Variants in HCN1 observed in about 807,000 individuals in gnomAD.
HCN1 encodes the protein potassium/sodium hyperpolarization-activated cyclic nucleotide-gated channel 1.
In HCN1, 13 loss-of-function variants were observed where a neutral mutation model predicts 78.9. That is an observed-to-expected ratio of 0.16 (90% CI 0.11 to 0.26). HCN1 has a LOEUF of 0.26. Among genes scored for constraint, HCN1 ranks in the 10% least tolerant of loss-of-function variants. The probability of loss-of-function intolerance (pLI) is 1.00; values close to 1 mark genes in which losing one functional copy is unlikely to be tolerated. For synonymous variants in HCN1, 552 were observed against 455.5 expected, an observed-to-expected ratio of 1.21 and a Z score of -2.70; for missense variants, 810 against 1,154.3, an observed-to-expected ratio of 0.70 and a Z score of 4.32.
intron 5 of HCN1, among the ~76,000 whole-genome samples, chr5:45,305,534 C>T (rs1018466547): frequency 3.3e-5 from 5 of 152,084 alleles, no homozygotes; most frequent in Non-Finnish European, 7.4e-5. Flanking sequence ...CACTTGAGTC[C>T]ACGATTGGCT....
intron 3 of HCN1, among the ~76,000 whole-genome samples, chr5:45,455,101 G>T (rs112343062): frequency 6.6e-6 from 1 of 151,866 alleles, no homozygotes; most frequent in African/African-American, 2.4e-5. Flanking sequence ...AATCCACACA[G>T]GGCTACTACT....
chr5:45,541,355 C>T (rs72762067), intron 2 of HCN1, among the ~76,000 whole-genome samples: 1,535 of 152,266 alleles, frequency 0.01, 14 homozygotes, highest in South Asian at 0.044. Flanking sequence ...CCATGCGCTG[C>T]ATAGTGTTAC....
chr5:45,420,484 T>C (rs1031131364), intron 3 of HCN1, among the ~76,000 whole-genome samples: 13 of 152,090 alleles, frequency 8.5e-5, no homozygotes, highest in Admixed American at 2.6e-4. Flanking sequence ...CCTCTGTCCT[T>C]CCTATTCTTT....
rs116623810 is a variant in HCN1 at position 45,413,703 on chromosome 5, G to A, written c.1012-16993C>T. Among the ~76,000 whole-genome samples the A allele has an allele frequency of 9.4e-3, 1,435 of 152,094 alleles. 18 individuals are homozygous for A. The highest frequency in any genetic ancestry group is 0.015 in the Admixed American group (224 of 15,244). ...TAATCATAAGGATATGAAGGGGCAG[G>A]AAAACTTGGTTAAAGTAGTGATCTT... On this transcript the variant is annotated intron_variant, in intron 3 of 7. Transcript: ENST00000303230.
intron 5 of HCN1, among the ~76,000 whole-genome samples, chr5:45,347,262 G>A (rs1472039302): frequency 6.6e-6 from 1 of 152,176 alleles, no homozygotes; most frequent in Non-Finnish European, 1.5e-5. Context: ...AACAAGGTCT[G>A]GAATGGACCT....
At position 45,390,730 on chromosome 5, in the gene HCN1, A is replaced by G. The variant is rs146857115; in HGVS notation, c.1230+5762T>C. 4.6e-4 allele frequency among the ~76,000 whole-genome samples: 70 copies of G among 152,246 alleles called. 1 individual carries two copies. The highest frequency in any genetic ancestry group is 1.7e-3 in the African/African-American group (69 of 41,558). On this transcript the variant is annotated intron_variant, in intron 4 of 7. Transcript: ENST00000303230. ...AAAATCATGGGATATGTGATTTACAATTGGTAAGTTTCTGTTTTTCTATTT... is the reference window on the plus strand; with the variant it reads ...AAAATCATGGGATATGTGATTTACAGTTGGTAAGTTTCTGTTTTTCTATTT...
intron 3 of HCN1, among the ~76,000 whole-genome samples, chr5:45,450,466 T>G (rs1464920336): frequency 6.6e-6 from 1 of 152,204 alleles, no homozygotes; most frequent in Non-Finnish European, 1.5e-5. Context: ...AATTCATAAT[T>G]TATTCACAAT....
At chr5:45,391,054 G>T (rs912870370) in intron 4 of HCN1, among the ~76,000 whole-genome samples, 1 of 151,448 alleles carries the variant, frequency 6.6e-6, no homozygotes, top group African/African-American at 2.4e-5. Flanking sequence ...TTCAGTTCCC[G>T]GGAAGCAAAG....
At chr5:45,649,147 GCCCTCAAATC>G (rs1366822081) in intron 1 of HCN1, among the ~76,000 whole-genome samples, 1 of 151,862 alleles carries the variant, frequency 6.6e-6, no homozygotes, top group African/African-American at 2.4e-5. Flanking sequence ...CTACCTAACA[GCCCTCAAATC>G]CCCTCAAATC....
At position 45,627,460 on chromosome 5, in the gene HCN1, C is replaced by T. The variant is rs529666410; in HGVS notation, c.849+17725G>A. Among the ~76,000 whole-genome samples the T allele has an allele frequency of 3.3e-5, 5 of 152,234 alleles. No homozygotes were observed. In the South Asian group the frequency reaches 8.3e-4, roughly 25 times the overall value. ...ATCACTCCAAATGCTCCATTATGGA[C>T]GAGGTGCAACCATGGTGATTTTATT... On this transcript the variant is annotated intron_variant, in intron 2 of 7. Transcript: ENST00000303230.
intron 4 of HCN1, among the ~76,000 whole-genome samples, chr5:45,371,308 A>G (rs1457639529): frequency 1.3e-5 from 2 of 152,064 alleles, no homozygotes; most frequent in East Asian, 3.9e-4. Flanking sequence ...AAATAGTAAA[A>G]ACTGTACACA....
At chr5:45,354,987 T>C (rs745413950) in intron 4 of HCN1, among the ~76,000 whole-genome samples, 1 of 152,044 alleles carries the variant, frequency 6.6e-6, no homozygotes, top group African/African-American at 2.4e-5. Context: ...TCTCTGTCTC[T>C]GAATTTGGAA....
At chr5:45,353,644 A>T (rs754735918) in intron 4 of HCN1, among the ~76,000 whole-genome samples, 1 of 152,000 alleles carries the variant, frequency 6.6e-6, no homozygotes, top group Non-Finnish European at 1.5e-5. Flanking sequence ...ATACCTATGG[A>T]TAGTACAATA....
At chr5:45,553,269 C>T (rs1211945767) in intron 2 of HCN1, among the ~76,000 whole-genome samples, 3 of 151,822 alleles carry the variant, frequency 2.0e-5, no homozygotes, top group Non-Finnish European at 2.9e-5. Flanking sequence ...ATTCATCTTT[C>T]TCAAAAATCA....
chr5:45,631,194 A>C (rs1422275778), intron 2 of HCN1, among the ~76,000 whole-genome samples: 1 of 152,218 alleles, frequency 6.6e-6, no homozygotes, highest in African/African-American at 2.4e-5. Context: ...AGCAAGTCCA[A>C]CTACTGAAGT....
chr5:45,443,223 G>A (rs1307015958), intron 3 of HCN1, among the ~76,000 whole-genome samples: 1 of 151,948 alleles, frequency 6.6e-6, no homozygotes, highest in Non-Finnish European at 1.5e-5. Flanking sequence ...GCACTGGATT[G>A]GACTGAACCT....
At position 45,539,314 on chromosome 5, in the gene HCN1, A is replaced by G. The variant is rs560371911; in HGVS notation, c.850-77307T>C. Reference sequence around the variant, plus strand: ...AAACTTTTTATTTTAAAACTTTAAAATGAGATTATATATAATAGAAAATAT... The same window carrying G: ...AAACTTTTTATTTTAAAACTTTAAAGTGAGATTATATATAATAGAAAATAT... On this transcript the variant is annotated intron_variant, in intron 2 of 7. Transcript: ENST00000303230. Among the ~76,000 whole-genome samples the G allele has an allele frequency of 1.8e-3, 268 of 151,672 alleles. 1 individual carries two copies. The highest frequency in any genetic ancestry group is 6.2e-3 in the African/African-American group (257 of 41,478).
At chr5:45,526,615 T>A (rs1742741347) in intron 2 of HCN1, among the ~76,000 whole-genome samples, 1 of 152,094 alleles carries the variant, frequency 6.6e-6, no homozygotes, top group South Asian at 2.1e-4. Context: ...TTTGGAGAAA[T>A]CCTTTTTTCT....
chr5:45,410,858 G>C (rs1277370757), intron 3 of HCN1, among the ~76,000 whole-genome samples: 1 of 152,042 alleles, frequency 6.6e-6, no homozygotes. Context: ...AAAGGCTTCT[G>C]TGTCAGTTAC....
Sources: allele counts gnomAD v4.1 joint callset (sites outside exome capture counted in the v4.1 genomes callset), GRCh38; gene constraint gnomAD v4.1.1; transcripts MANE v1.5; gene names NCBI Gene and HGNC (gene_info 2026-07-23, HGNC 2026-07-21).